Variants in HTR7 observed in about 807,000 individuals in gnomAD.
HTR7 encodes 5-HT-7.
A neutral mutation model predicts 34.0 loss-of-function variants in HTR7; 16 were observed. The ratio of observed to expected loss-of-function variants is 0.47; its 90% CI spans 0.32 to 0.71. The LOEUF is 0.71. Among genes scored for constraint, HTR7 ranks in the 30% least tolerant of loss-of-function variants. The pLI is 0.04. For missense variants in HTR7, 504 were observed against 625.5 expected, an observed-to-expected ratio of 0.81 and a Z score of 2.07; for synonymous variants, 265 against 260.2, an observed-to-expected ratio of 1.02 and a Z score of -0.18.
Position 90,740,960 on chromosome 10 carries a change from G to T in HTR7, c.*1522C>A, listed in dbSNP as rs956131055. The T allele has an allele frequency of 6.6e-6, 1 of 152,300 alleles. No individual in the cohort carries two copies. The highest frequency in any genetic ancestry group is 2.4e-5 in the African/African-American group (1 of 41,330). The allele number at this position is 152,300 out of a possible 1,614,324, so 9.4% of individuals were successfully genotyped here. ...TTAAATTATGAATATAATATATACGGTCACTTCAGCAAATTTGCGGTTCAG... is the reference window on the plus strand; with the variant it reads ...TTAAATTATGAATATAATATATACGTTCACTTCAGCAAATTTGCGGTTCAG... On this transcript the variant is annotated 3_prime_UTR_variant, in exon 4 of 4. Coordinates refer to ENST00000336152, the MANE Select transcript of HTR7 (RefSeq NM_019859.4).
chr10:90,814,013 G>C (rs1341681231), intron 1 of HTR7, among the ~76,000 whole-genome samples: 1 of 152,206 alleles, frequency 6.6e-6, no homozygotes, highest in Non-Finnish European at 1.5e-5. Flanking sequence ...TTTCGCAAGA[G>C]AGAGAGCTGT....
At chr10:90,847,768 A>G (rs1846431157) in intron 1 of HTR7, among the ~76,000 whole-genome samples, 1 of 152,222 alleles carries the variant, frequency 6.6e-6, no homozygotes, top group Non-Finnish European at 1.5e-5. Context: ...GCTAAAAACT[A>G]ATGGTTGCTG....
chr10:90,745,998 C>A (rs1356086536), intron 2 of HTR7, among the ~76,000 whole-genome samples: 1 of 152,176 alleles, frequency 6.6e-6, no homozygotes, highest in African/African-American at 2.4e-5. Context: ...TTTATGTTAG[C>A]TGATTTATTT....
chr10:90,825,926 T>G (rs954462696), intron 1 of HTR7, among the ~76,000 whole-genome samples: 5 of 152,050 alleles, frequency 3.3e-5, no homozygotes, highest in Non-Finnish European at 7.4e-5. Context: ...GAGAGAGAGA[T>G]AGGGATTGAA....
At chr10:90,774,054 T>C (rs1845164573) in intron 1 of HTR7, among the ~76,000 whole-genome samples, 4 of 152,040 alleles carry the variant, frequency 2.6e-5, no homozygotes, top group African/African-American at 9.7e-5. Context: ...CCATTAGCGA[T>C]GATATAACCC....
intron 1 of HTR7, among the ~76,000 whole-genome samples, chr10:90,822,549 T>C (rs1362570997): frequency 6.6e-6 from 1 of 152,254 alleles, no homozygotes; most frequent in Admixed American, 6.5e-5. Flanking sequence ...CATAAAAGTT[T>C]GGAAAATTTG....
intron 1 of HTR7, among the ~76,000 whole-genome samples, chr10:90,833,431 T>G (rs1046907486): frequency 1.3e-5 from 2 of 152,238 alleles, no homozygotes; most frequent in Non-Finnish European, 2.9e-5. Flanking sequence ...CTGGGTAACC[T>G]GATTAAATTA....
chr10:90,830,741 T>C (rs192412725), intron 1 of HTR7, among the ~76,000 whole-genome samples: 7 of 140,306 alleles, frequency 5.0e-5, no homozygotes, highest in African/African-American at 1.6e-4. Flanking sequence ...TAAGCCAAGA[T>C]GGCACCACTG....
At chr10:90,808,262 G>A (rs1390929336) in intron 1 of HTR7, among the ~76,000 whole-genome samples, 1 of 151,664 alleles carries the variant, frequency 6.6e-6, no homozygotes, top group African/African-American at 2.4e-5. Flanking sequence ...TTTCTGGGGG[G>A]CAAGAAACCC....
intron 1 of HTR7, among the ~76,000 whole-genome samples, chr10:90,839,448 A>G (rs1846295824): frequency 6.6e-6 from 1 of 152,210 alleles, no homozygotes; most frequent in African/African-American, 2.4e-5. Flanking sequence ...CCAGATGAAA[A>G]AAAAACCATT....
chr10:90,766,967 T>C (rs1845034590), intron 1 of HTR7, among the ~76,000 whole-genome samples: 3 of 152,310 alleles, frequency 2.0e-5, no homozygotes, highest in South Asian at 4.1e-4. Context: ...CTGCAGGTAC[T>C]CTAAAGCTGG....
Position 90,857,538 on chromosome 10 carries a change from G to T in HTR7, c.134C>A (p.Ala45Glu). ...GGADPVAGSWAPHLLSEVTAS... is the reference protein window; with the variant it reads ...GGADPVAGSWEPHLLSEVTAS... ...TGTCACCTCGCTCAGCAGGTGCGGC[G>T]CCCAGGAGCCCGCGACCGGGTCGGC... is the stretch of plus-strand genomic sequence containing the variant. The change falls in exon 1 of 4, where the codon GCG becomes GAG. Residue 45 changes from alanine (A) to glutamate (E), a missense_variant. Physicochemically the swap from Ala to Glu is moderately radical, Grantham distance 107. This residue lies in a region of HTR7 where 139 missense variants were observed against 117.1 expected (regional missense o/e 1.19). Coordinates refer to ENST00000336152, the MANE Select transcript of HTR7 (RefSeq NM_019859.4). This position sits in a 1 kb window ranked among gnomAD's most constrained non-coding sequence, Gnocchi z 6.5. The T allele has an allele frequency of 1.2e-6, 2 of 1,603,236 alleles. No homozygotes were observed. Among genetic ancestry groups the T allele is most frequent in the Non-Finnish European group, 1.7e-6 (2 of 1,175,578 alleles).
At chr10:90,783,021 G>A (rs1180146700) in intron 1 of HTR7, among the ~76,000 whole-genome samples, 1 of 152,190 alleles carries the variant, frequency 6.6e-6, no homozygotes, top group African/African-American at 2.4e-5. Flanking sequence ...GTGACTAGGA[G>A]CTTACTGGGA....
intron 1 of HTR7, among the ~76,000 whole-genome samples, chr10:90,782,162 A>G (rs1458975163): frequency 6.6e-6 from 1 of 152,100 alleles, no homozygotes; most frequent in Non-Finnish European, 1.5e-5. Context: ...TGGGCGAGAG[A>G]CTGCACTCAA....
rs537341478 is a variant in HTR7 at position 90,763,456 on chromosome 10, T to C, written c.540-13862A>G. On this transcript the variant is annotated intron_variant, in intron 1 of 3. Transcript: ENST00000336152. ...AGATGCATAGATAAAACTTAGTCAT[T>C]TTTAAATTTTACTTTGAGTTCTGGG... Among the ~76,000 whole-genome samples the C allele has an allele frequency of 2.0e-5, 3 of 152,340 alleles. No homozygotes were observed. The South Asian group carries it at 6.2e-4, about 32-fold the overall frequency.
intron 1 of HTR7, among the ~76,000 whole-genome samples, chr10:90,771,567 G>A (rs1845112410): frequency 6.6e-6 from 1 of 152,168 alleles, no homozygotes; most frequent in East Asian, 1.9e-4. Context: ...TGCCAGCCAG[G>A]GAAGCTGCTT....
At chr10:90,799,825 CT>C (rs1845597810) in intron 1 of HTR7, among the ~76,000 whole-genome samples, 1 of 152,080 alleles carries the variant, frequency 6.6e-6, no homozygotes, top group Admixed American at 6.6e-5. Flanking sequence ...TGACCTGGTG[CT>C]TTGCCCCACC....
intron 1 of HTR7, among the ~76,000 whole-genome samples, chr10:90,766,189 C>T (rs1346523051): frequency 2.0e-5 from 3 of 152,134 alleles, no homozygotes; most frequent in Admixed American, 6.5e-5. Context: ...GCTTTATATA[C>T]TTAGGTGTTC....
intron 1 of HTR7, among the ~76,000 whole-genome samples, chr10:90,813,679 C>T (rs1182157466): frequency 6.6e-6 from 1 of 152,128 alleles, no homozygotes; most frequent in Non-Finnish European, 1.5e-5. Context: ...TAGAAGCTTG[C>T]AAGGGTGAAT....
Sources: allele counts gnomAD v4.1 joint callset (sites outside exome capture counted in the v4.1 genomes callset), GRCh38; gene constraint gnomAD v4.1.1; regional missense constraint gnomAD v4.1.1; non-coding constraint Gnocchi (gnomAD v3.1); transcripts MANE v1.5; gene names NCBI Gene and HGNC (gene_info 2026-07-23, HGNC 2026-07-21).